The following ZNF276 variants were observed in gnomAD, a reference collection of about 807,000 sequenced individuals.
ZNF276 encodes the protein centromere protein Z.
ZNF276 carries 59 observed loss-of-function variants against 63.9 expected under a neutral mutation model. That is an observed-to-expected ratio of 0.92 (90% CI 0.75 to 1.15). ZNF276 has a LOEUF of 1.15. Among genes scored for constraint, ZNF276 ranks in the 50% most tolerant of loss-of-function variants. ZNF276 has a pLI of 0.00. For missense variants in ZNF276, 1,084 were observed against 843.8 expected, an observed-to-expected ratio of 1.28 and a Z score of -3.53; for synonymous variants, 496 against 348.4, an observed-to-expected ratio of 1.42 and a Z score of -4.72.
upstream of ZNF276, chr16:89,721,468 C>T (rs1390022982): frequency 2.7e-5 from 15 of 558,718 alleles, no homozygotes; most frequent in East Asian, 4.8e-4. Flanking sequence ...CCTCGGCCGG[C>T]GGGGTCCCGC....
chr16:89,721,260 C>T (rs996904749), upstream of ZNF276: 5 of 231,086 alleles, frequency 2.2e-5, no homozygotes, highest in Non-Finnish European at 4.2e-5. Flanking sequence ...GCCCGCCCCG[C>T]GCCTCCGTCT....
chr16:89,728,685 A>C (rs1016748661), intron 5 of ZNF276, among the ~76,000 whole-genome samples: 1 of 151,974 alleles, frequency 6.6e-6, no homozygotes, highest in East Asian at 1.9e-4. Flanking sequence ...TACAGGTGTT[A>C]GCCACCGCAC....
Position 89,721,695 on chromosome 16 carries a change from G to A in ZNF276, c.55G>A (p.Gly19Arg), listed in dbSNP as rs1043621073. 2.1e-6 allele frequency: 3 copies of A among 1,396,182 alleles called. No homozygotes were observed. The highest frequency in any genetic ancestry group is 3.3e-5 in the Admixed American group (1 of 30,558). 86.5% of individuals were successfully genotyped at this position (1,396,182 alleles called of 1,614,324 possible). The change falls in exon 1 of 11, where the codon GGG becomes AGG. Residue 19 changes from glycine to arginine, a missense_variant. Transcript: ENST00000443381. ...GTCTCCTGGGTCGTCCCGACAGTGC[G>A]GGGCCTCGGACGGCGGCGGCGGCGT... ...FLSPGSSRQCGASDGGGGVSR... is the reference protein window; with the variant it reads ...FLSPGSSRQCRASDGGGGVSR...
intron 1 of ZNF276, 38 bp from the exon 2 acceptor site, chr16:89,722,493 C>T (rs748573360): frequency 6.4e-7 from 1 of 1,574,540 alleles, no homozygotes; most frequent in South Asian, 1.2e-5. Flanking sequence ...CAGGAGCCTC[C>T]TTTGCCAGCT....
Position 89,739,254 on chromosome 16 carries a change from C to T in ZNF276, c.*1008C>T, listed in dbSNP as rs1427627105. 1 of 1,614,158 alleles carries T rather than the reference C, an allele frequency of 6.2e-7. No homozygotes were observed. The highest frequency in any genetic ancestry group is 8.5e-7 in the Non-Finnish European group (1 of 1,180,042). Reference sequence around the variant, plus strand: ...AGCAACATGCAGGAAGGCCTCTTCCCTGATGGCCGCGTCTTCATGGAAGTA... The same window carrying T: ...AGCAACATGCAGGAAGGCCTCTTCCTTGATGGCCGCGTCTTCATGGAAGTA... On this transcript the variant is annotated 3_prime_UTR_variant, in exon 11 of 11. Transcript: ENST00000443381.
In ZNF276 at chr16:89,738,086, G is replaced by A. The variant is rs780532307; in HGVS notation, c.1685G>A (p.Arg562Gln). ...LDFACDQCGR[R>Q]FEKAHNLNVH... ...TTTGCCTGTGACCAGTGTGGCCGGC[G>A]GTTTGAGAAGGCCCACAACCTCAAT... The change falls in exon 11 of 11, where the codon CGG becomes CAG. Residue 562 changes from arginine to glutamine, a missense_variant. By Grantham distance (43) the Arg-to-Gln change is conservative. Coordinates refer to ENST00000443381, the MANE Select transcript of ZNF276 (RefSeq NM_001113525.2). The A allele has an allele frequency of 2.5e-5, 40 of 1,613,918 alleles. No individual in the cohort carries two copies. Among genetic ancestry groups the A allele is most frequent in the African/African-American group, 4.0e-5 (3 of 74,920 alleles).
At chr16:89,728,336 C>T (rs185906915) in intron 5 of ZNF276, among the ~76,000 whole-genome samples, 27 of 151,926 alleles carry the variant, frequency 1.8e-4, no homozygotes, top group South Asian at 6.2e-4. Flanking sequence ...GTGATTCTCC[C>T]GCCTCAGCCT....
At chr16:89,722,458 C>A (rs557157124) in intron 1 of ZNF276, 73 bp from the exon 2 acceptor site, 2 of 1,500,060 alleles carry the variant, frequency 1.3e-6, no homozygotes, top group Admixed American at 2.1e-5. Context: ...TGCCCTCGGA[C>A]CTGGAGTCCG....
intron 9 of ZNF276, 90 bp from the exon 10 acceptor site, chr16:89,737,716 C>G: frequency 6.3e-7 from 1 of 1,595,588 alleles, no homozygotes; most frequent in Non-Finnish European, 8.6e-7. Flanking sequence ...GAAATGTCTT[C>G]CCAGCTGTGA....
At position 89,740,665 on chromosome 16, in the gene ZNF276, G is replaced by A. The variant is rs2062108751; in HGVS notation, c.*2419G>A. ...AAAAAAAAAAAAAAACCCACGGCCT[G>A]GGAGTTCTCACTCACACTTCCGCAA... On this transcript the variant is annotated 3_prime_UTR_variant, in exon 11 of 11. Coordinates refer to ENST00000443381, the MANE Select transcript of ZNF276 (RefSeq NM_001113525.2). The A allele has an allele frequency of 1.5e-6, 1 of 688,412 alleles. No homozygotes were observed. The highest frequency in any genetic ancestry group is 2.6e-6 in the Non-Finnish European group (1 of 387,442). The allele number at this position is 688,412 out of a possible 1,614,324, so 42.6% of individuals were successfully genotyped here. A position where few individuals can be genotyped will look rare whatever the true frequency, so the allele number is the denominator to read the frequency against.
intron 4 of ZNF276, among the ~76,000 whole-genome samples, chr16:89,726,089 C>T (rs895069563): frequency 5.3e-5 from 8 of 152,248 alleles, no homozygotes; most frequent in Non-Finnish European, 1.2e-4. Context: ...AATCTCGGCT[C>T]ACTGCAGCCT....
At chr16:89,721,436 G>A (rs2061266554), upstream of ZNF276, 2 of 448,936 alleles carry the variant, frequency 4.5e-6, no homozygotes, top group East Asian at 3.8e-5. Flanking sequence ...TACGAGCGGG[G>A]GCGCTGGCAC....
Position 89,739,397 on chromosome 16 carries a change from C to T in ZNF276, c.*1151C>T. ...GAGCAGAGGCACAGACAACCCTTCC[C>T]ATCTGGCGGGACCCAGAGGTGCTGA... is the stretch of plus-strand genomic sequence containing the variant. On this transcript the variant is annotated 3_prime_UTR_variant, in exon 11 of 11. Coordinates refer to ENST00000443381, the MANE Select transcript of ZNF276 (RefSeq NM_001113525.2). 6.4e-7 allele frequency: 1 copy of T among 1,570,672 alleles called. No individual in the cohort carries two copies. The highest frequency in any genetic ancestry group is 8.7e-7 in the Non-Finnish European group (1 of 1,154,456).
Position 89,738,531 on chromosome 16 carries a change from A to G in ZNF276, c.*285A>G. On this transcript the variant is annotated 3_prime_UTR_variant, in exon 11 of 11. Transcript: ENST00000443381. ...TTGTAATCCACTTTTTAGTGCAACAAGAGCTCCATGTTATGCTTGTAATAA... is the reference window on the plus strand; with the variant it reads ...TTGTAATCCACTTTTTAGTGCAACAGGAGCTCCATGTTATGCTTGTAATAA... The G allele has an allele frequency of 6.2e-7, 1 of 1,603,672 alleles. No homozygotes were observed. The highest frequency in any genetic ancestry group is 8.5e-7 in the Non-Finnish European group (1 of 1,172,854).
rs552201503 is a variant in ZNF276 at position 89,730,733 on chromosome 16, C to G, written c.1169+1415C>G. ...CTGACTGCGGCGAGTACCAGGGGCA[C>G]TTGGTTCCCCAGCTGCCACCGTGAG... On this transcript the variant is annotated intron_variant, in intron 6 of 10. Transcript: ENST00000443381. 7.2e-5 allele frequency among the ~76,000 whole-genome samples: 11 copies of G among 152,270 alleles called. No individual in the cohort carries two copies. The South Asian group carries it at 2.3e-3, about 32-fold the overall frequency.
intron 6 of ZNF276, among the ~76,000 whole-genome samples, chr16:89,729,569 C>A (rs1368135895): frequency 6.6e-6 from 1 of 152,198 alleles, no homozygotes; most frequent in East Asian, 1.9e-4. Context: ...GCCTCAGAGT[C>A]CCAGCAGTGG....
chr16:89,733,325 G>T lies in ZNF276; in HGVS notation c.1193G>T (p.Ser398Ile), dbSNP rs1368163283. 1 of 1,614,140 alleles carries T rather than the reference G, an allele frequency of 6.2e-7. No individual in the cohort carries two copies. The part of the protein sequence containing the change: ...ERKVSGKKSE[S>I]KEAKKSEEPR... ...AGAGTCTCTGGTAAGAAGAGTGAAA[G>T]CAAAGAAGCCAAGAAGTCTGAAGAA... Residue 398 changes from serine (S) to isoleucine (I), a missense_variant, in exon 7 of 11, where the codon AGC becomes ATC. Ser to Ile is a moderately radical substitution (Grantham distance 142). Transcript: ENST00000443381.
chr16:89,726,895 C>T (rs754850199), intron 4 of ZNF276, among the ~76,000 whole-genome samples: 26 of 152,324 alleles, frequency 1.7e-4, no homozygotes, highest in Admixed American at 1.0e-3. Flanking sequence ...CCACCTGCAT[C>T]GGCCTCCCAA....
intron 4 of ZNF276, among the ~76,000 whole-genome samples, chr16:89,723,957 A>T (rs545495235): frequency 6.6e-6 from 1 of 152,246 alleles, no homozygotes; most frequent in Admixed American, 6.5e-5. Flanking sequence ...CTGTGGAGAC[A>T]CGCTCATCAG....
Sources: gnomAD v4.1 joint callset for allele counts (sites outside exome capture counted in the v4.1 genomes callset) on GRCh38, gnomAD v4.1.1 for gene constraint, MANE v1.5 for transcripts, NCBI Gene and HGNC (gene_info 2026-07-23, HGNC 2026-07-21) for gene names.